FAM135B: variants seen among roughly 807,000 people sequenced by gnomAD.
FAM135B encodes the protein family with sequence similarity 135 member B, also known as protein FAM135B.
Under a neutral mutation model 127.7 loss-of-function variants are expected in FAM135B, and 43 were observed. The ratio of observed to expected loss-of-function variants is 0.34; its 90% CI spans 0.26 to 0.43. FAM135B has a LOEUF of 0.43. Ranked by LOEUF, FAM135B falls within the 20% of genes least tolerant of loss-of-function variation. FAM135B has a pLI of 1.00. For synonymous variants in FAM135B, 670 were observed against 665.1 expected, an observed-to-expected ratio of 1.01 and a Z score of -0.11; for missense variants, 1,558 against 1,725.6, an observed-to-expected ratio of 0.90 and a Z score of 1.72.
intron 2 of FAM135B, among the ~76,000 whole-genome samples, chr8:138,339,842 G>T (rs766571604): frequency 6.6e-6 from 1 of 152,198 alleles, no homozygotes; most frequent in Non-Finnish European, 1.5e-5. Flanking sequence ...CCAAAGAGAG[G>T]GGTTCCGTCG....
In FAM135B at chr8:138,241,763, T is replaced by C. The variant is rs191243423; in HGVS notation, c.669+1179A>G. Among the ~76,000 whole-genome samples the C allele has an allele frequency of 2.1e-3, 315 of 152,324 alleles. 2 individuals carry two copies. Among genetic ancestry groups the C allele is most frequent in the Admixed American group, 0.019 (285 of 15,304 alleles). ...TGACAGTTACTTTTACGTGTCATCT[T>C]ACTTGGGCCACAAGGTGCCCAGACG... On this transcript the variant is annotated intron_variant, in intron 7 of 19. Transcript: ENST00000395297. This position sits in a 1 kb window ranked among gnomAD's most constrained non-coding sequence, Gnocchi z 4.8.
chr8:138,141,306 G>A lies in FAM135B; in HGVS notation c.3682C>T (p.Leu1228Phe), dbSNP rs2130597615. The part of the protein sequence containing the change: ...SLGNIIIRSV[L>F]TRPRFRYYLN... Reference sequence around the variant, plus strand: ...TAATACCGGAACCGGGGCCGTGTGAGGACCGATCGGATGATGATGTTGCCA... The same window carrying A: ...TAATACCGGAACCGGGGCCGTGTGAAGACCGATCGGATGATGATGTTGCCA... Residue 1228 changes from leucine (L) to phenylalanine (F), a missense_variant, in exon 17 of 20, where the codon CTC (leucine) becomes TTC (phenylalanine). Around this residue, in one of 5 missense-constraint regions of FAM135B, gnomAD observed 194 missense variants for 333.8 expected, o/e 0.58. Transcript: ENST00000395297. This position sits in a 1 kb window ranked among gnomAD's most constrained non-coding sequence, Gnocchi z 4.7. 2 of 1,614,142 alleles carry A rather than the reference G, an allele frequency of 1.2e-6. No homozygotes were observed. The highest frequency in any genetic ancestry group is 1.7e-6 in the Non-Finnish European group (2 of 1,180,032).
At chr8:138,227,648 A>G (rs957431681) in intron 7 of FAM135B, among the ~76,000 whole-genome samples, 1 of 152,030 alleles carries the variant, frequency 6.6e-6, no homozygotes, top group African/African-American at 2.4e-5. Context: ...CCAATCAAGG[A>G]AACAGTCACA....
chr8:138,340,801 T>C (rs1828995651), intron 2 of FAM135B, among the ~76,000 whole-genome samples: 1 of 152,140 alleles, frequency 6.6e-6, no homozygotes, highest in Non-Finnish European at 1.5e-5. Context: ...GCCTCGTGCA[T>C]CCACTCATCC....
At chr8:138,424,631 A>C (rs1834734017) in intron 1 of FAM135B, among the ~76,000 whole-genome samples, 1 of 152,144 alleles carries the variant, frequency 6.6e-6, no homozygotes, top group Admixed American at 6.5e-5. Flanking sequence ...TGGCTCTGTC[A>C]GGTTATGTGG....
intron 9 of FAM135B, 65 bp downstream of exon 9, chr8:138,195,193 C>A: frequency 6.7e-7 from 1 of 1,493,382 alleles, no homozygotes; most frequent in Non-Finnish European, 9.2e-7. Context: ...AGCAAGCAAG[C>A]AACTGCATTT....
chr8:138,208,581 C>T lies in FAM135B; in HGVS notation c.670-10912G>A, dbSNP rs537208983. Among the ~76,000 whole-genome samples, 15 of 152,290 alleles carry T rather than the reference C, an allele frequency of 9.8e-5. No individual in the cohort carries two copies. The South Asian group carries it at 3.1e-3, about 32-fold the overall frequency. On this transcript the variant is annotated intron_variant, in intron 7 of 19. Transcript: ENST00000395297. Reference sequence around the variant, plus strand: ...TTTGTGAGGCAAAGAAACAGAGTCCCACAAAAACATCAGCAGATGTAGAAT... The same window carrying T: ...TTTGTGAGGCAAAGAAACAGAGTCCTACAAAAACATCAGCAGATGTAGAAT...
At chr8:138,275,625 T>G (rs1432900271) in intron 3 of FAM135B, among the ~76,000 whole-genome samples, 1 of 152,072 alleles carries the variant, frequency 6.6e-6, no homozygotes, top group Admixed American at 6.6e-5. Context: ...AGCCCAGGAA[T>G]TCGAGGCTGC....
In FAM135B at chr8:138,132,525, A is replaced by C. The variant is rs2130478357; in HGVS notation, c.*68T>G. 1 of 1,341,206 alleles carries C rather than the reference A, an allele frequency of 7.5e-7. No homozygotes were observed. The highest frequency in any genetic ancestry group is 1.2e-5 in the South Asian group (1 of 84,078). 83.1% of individuals were successfully genotyped at this position (1,341,206 alleles called of 1,614,324 possible). The stretch of plus-strand genomic sequence containing the variant: ...TCATTCTGAAATGGTGAGGTCTGTA[A>C]AAGCAGGTCTCAGCTAAAGCTCTCC... On this transcript the variant is annotated 3_prime_UTR_variant, in exon 20 of 20. Transcript: ENST00000395297. The surrounding 1 kb of genome is among the most constrained non-coding windows in gnomAD (Gnocchi z 4.5).
chr8:138,178,594 T>C lies in FAM135B; in HGVS notation c.970A>G (p.Thr324Ala), dbSNP rs1814706279. Residue 324 changes from threonine to alanine, a missense_variant, in exon 10 of 20, where the codon ACA becomes GCA. Physicochemically the swap from Thr to Ala is moderately conservative, Grantham distance 58 (BLOSUM62 0). This residue lies in a region of FAM135B where 115 missense variants were observed against 171.1 expected (regional missense o/e 0.67). Coordinates refer to ENST00000395297, the MANE Select transcript of FAM135B (RefSeq NM_015912.4). Reference protein sequence around the residue: ...MMTLWTQFLDTVTLHSQVTTY... With the variant: ...MMTLWTQFLDAVTLHSQVTTY... ...GTCACTTGGGAGTGCAGAGTGACTG[T>C]GTCCAGGAACTGGGTCCACAGAGTC... 1 of 1,614,108 alleles carries C rather than the reference T, an allele frequency of 6.2e-7. No individual in the cohort carries two copies. Among genetic ancestry groups the C allele is most frequent in the East Asian group, 2.2e-5 (1 of 44,856 alleles).
At chr8:138,278,746 TAG>T (rs780120576) in intron 3 of FAM135B, among the ~76,000 whole-genome samples, 11 of 151,670 alleles carry the variant, frequency 7.3e-5, no homozygotes, top group Non-Finnish European at 1.0e-4. Context: ...GTATTTTTAG[TAG>T]AGAGGGGGTT....
intron 17 of FAM135B, among the ~76,000 whole-genome samples, chr8:138,140,184 G>A (rs529195656): frequency 3.0e-4 from 45 of 152,280 alleles, no homozygotes; most frequent in African/African-American, 9.1e-4. Flanking sequence ...CCATTGTGTC[G>A]GATAACTCAT....
At chr8:138,411,206 A>G (rs1446871402) in intron 1 of FAM135B, among the ~76,000 whole-genome samples, 2 of 151,804 alleles carry the variant, frequency 1.3e-5, no homozygotes, top group African/African-American at 4.9e-5. Flanking sequence ...AAAAGAACAA[A>G]GCTGGAGGCA....
chr8:138,273,638 A>T (rs1463683656), intron 3 of FAM135B, among the ~76,000 whole-genome samples: 1 of 152,138 alleles, frequency 6.6e-6, no homozygotes, highest in East Asian at 1.9e-4. Context: ...TTTCAACTCC[A>T]CTGGCCTTAG....
chr8:138,385,654 A>G (rs1587312246), intron 1 of FAM135B, among the ~76,000 whole-genome samples: 1 of 152,078 alleles, frequency 6.6e-6, no homozygotes, highest in East Asian at 1.9e-4. Context: ...CTACTAAAAA[A>G]CACAAAAATT....
intron 4 of FAM135B, among the ~76,000 whole-genome samples, chr8:138,264,826 T>C (rs1211772728): frequency 1.3e-5 from 2 of 152,102 alleles, no homozygotes; most frequent in African/African-American, 2.4e-5. Flanking sequence ...AGATGCCCAA[T>C]AGGAGCTGTT....
At chr8:138,465,782 A>ATTT (rs34679807) in intron 1 of FAM135B, among the ~76,000 whole-genome samples, 1 of 145,830 alleles carries the variant, frequency 6.9e-6, no homozygotes, top group Non-Finnish European at 1.5e-5. Flanking sequence ...GTTTCACCTG[A>ATTT]TTTTTTTTTT....
chr8:138,242,115 G>T lies in FAM135B; in HGVS notation c.669+827C>A, dbSNP rs960387367. On this transcript the variant is annotated intron_variant, in intron 7 of 19. Coordinates refer to ENST00000395297, the MANE Select transcript of FAM135B (RefSeq NM_015912.4). This position sits in a 1 kb window ranked among gnomAD's most constrained non-coding sequence, Gnocchi z 9.6. ...CAGCTTGCTGACTGAAGATTTGGGG[G>T]CTTCTCAGCCTTCAAAATCATGTGA... 6.6e-6 allele frequency among the ~76,000 whole-genome samples: 1 copy of T among 151,316 alleles called. No homozygotes were observed. Among genetic ancestry groups the T allele is most frequent in the Admixed American group, 6.6e-5 (1 of 15,162 alleles).
chr8:138,283,013 G>A (rs982125442), intron 3 of FAM135B, among the ~76,000 whole-genome samples: 3 of 151,986 alleles, frequency 2.0e-5, no homozygotes, highest in Non-Finnish European at 4.4e-5. Flanking sequence ...TGATTTTCCC[G>A]CCTCAGTCTC....
Sources: allele counts gnomAD v4.1 joint callset (sites outside exome capture counted in the v4.1 genomes callset), GRCh38; gene constraint gnomAD v4.1.1; regional missense constraint gnomAD v4.1.1; non-coding constraint Gnocchi (gnomAD v3.1); transcripts MANE v1.5; gene names NCBI Gene and HGNC (gene_info 2026-07-23, HGNC 2026-07-21).